PPARA: variants seen among roughly 807,000 people sequenced by gnomAD.
The protein encoded by PPARA is peroxisome proliferator-activated receptor alpha.
In PPARA, 22 loss-of-function variants were observed where a neutral mutation model predicts 42.2. The observed-to-expected ratio is 0.52, with a 90% confidence interval of 0.37 to 0.74. The LOEUF is 0.74. Ranked by LOEUF, PPARA falls within the 30% of genes least tolerant of loss-of-function variation. PPARA has a pLI of 0.00. For missense variants in PPARA, 465 were observed against 608.2 expected, an observed-to-expected ratio of 0.76 and a Z score of 2.48; for synonymous variants, 242 against 239.3, an observed-to-expected ratio of 1.01 and a Z score of -0.10.
In PPARA at chr22:46,183,492, A is replaced by C. The variant is rs1930247841; in HGVS notation, c.-43+6656A>C. On this transcript the variant is annotated intron_variant, in intron 3 of 8. Transcript: ENST00000407236. This position sits in a 1 kb window ranked among gnomAD's most constrained non-coding sequence, Gnocchi z 5.5. ...CTCAATGGCTCACGCCAGTAGTCCC[A>C]GCACTTTGCGGGGCCCAGGAGGGCA... is the stretch of plus-strand genomic sequence containing the variant. Among the ~76,000 whole-genome samples the C allele has an allele frequency of 1.3e-5, 2 of 152,260 alleles. No homozygotes were observed. Among genetic ancestry groups the C allele is most frequent in the African/African-American group, 4.8e-5 (2 of 41,474 alleles).
In PPARA at chr22:46,187,780, C is replaced by A. The variant is rs1931018146; in HGVS notation, c.-42-10562C>A. Among the ~76,000 whole-genome samples, 1 of 152,190 alleles carries A rather than the reference C, an allele frequency of 6.6e-6. No individual in the cohort carries two copies. The highest frequency in any genetic ancestry group is 1.5e-5 in the Non-Finnish European group (1 of 68,032). On this transcript the variant is annotated intron_variant, in intron 3 of 8. Coordinates refer to ENST00000407236, the MANE Select transcript of PPARA (RefSeq NM_005036.6). This position sits in a 1 kb window ranked among gnomAD's most constrained non-coding sequence, Gnocchi z 4.9. ...TTGCCACTTCTCCCTTGAGGTAGAT[C>A]AAAAATGGTCACAAGTTCTTTGAGG...
rs185434403 is a variant in PPARA at position 46,228,874 on chromosome 22, G to A, written c.712-2918G>A. On this transcript the variant is annotated intron_variant, in intron 7 of 8. Coordinates refer to ENST00000407236, the MANE Select transcript of PPARA (RefSeq NM_005036.6). ...AATCCCAGCACTTTGGGAGGCTGAG[G>A]TGGGCGGATCACGAGGTCAGGAGAT... 1.3e-3 allele frequency among the ~76,000 whole-genome samples: 197 copies of A among 152,250 alleles called. 1 individual carries two copies. The highest frequency in any genetic ancestry group is 4.5e-3 in the African/African-American group (185 of 41,542).
rs1367268287 is a variant in PPARA at position 46,191,511 on chromosome 22, G to A, written c.-42-6831G>A. Among the ~76,000 whole-genome samples the A allele has an allele frequency of 6.8e-6, 1 of 146,326 alleles. No homozygotes were observed. Among genetic ancestry groups the A allele is most frequent in the Admixed American group, 6.8e-5 (1 of 14,700 alleles). On this transcript the variant is annotated intron_variant, in intron 3 of 8. Transcript: ENST00000407236. The surrounding 1 kb of genome is among the most constrained non-coding windows in gnomAD (Gnocchi z 4.6). The stretch of plus-strand genomic sequence containing the variant: ...TTTTTTTTTTTTTTTTCCTTTTGCT[G>A]GCTTTGTTTTCCTGTCCCTGTGATG...
intron 3 of PPARA, among the ~76,000 whole-genome samples, chr22:46,186,875 A>G (rs1930896253): frequency 6.6e-6 from 1 of 152,108 alleles, no homozygotes; most frequent in South Asian, 2.1e-4. Context: ...TTCCCTGTAT[A>G]TGCATACCTA....
At chr22:46,220,322 T>C (rs1366539161) in intron 7 of PPARA, 1 of 390,236 alleles carries the variant, frequency 2.6e-6, no homozygotes, top group East Asian at 6.2e-5. Context: ...AGGAGCATTT[T>C]TTCTTAAATA....
chr22:46,233,529 C>T lies in PPARA; in HGVS notation c.1159+1290C>T, dbSNP rs1193585898. Among the ~76,000 whole-genome samples the T allele has an allele frequency of 1.3e-5, 2 of 152,156 alleles. No individual in the cohort carries two copies. Among genetic ancestry groups the T allele is most frequent in the Non-Finnish European group, 2.9e-5 (2 of 68,026 alleles). On this transcript the variant is annotated intron_variant, in intron 8 of 8. Transcript: ENST00000407236. This position sits in a 1 kb window ranked among gnomAD's most constrained non-coding sequence, Gnocchi z 7.3. The stretch of plus-strand genomic sequence containing the variant: ...CTGACTCAGCCCTACCAGCCGTGCC[C>T]GTTACTGTGTGGCTGGGCACAAGTC...
chr22:46,210,230 A>G (rs182321195), intron 4 of PPARA, among the ~76,000 whole-genome samples: 1,463 of 138,466 alleles, frequency 0.011, 10 homozygotes, highest in Middle Eastern at 0.041. Context: ...AATTGCTTGA[A>G]CCCGGGAGGC....
intron 4 of PPARA, among the ~76,000 whole-genome samples, chr22:46,206,506 G>A (rs4253718): frequency 0.017 from 2,538 of 152,158 alleles, 71 homozygotes; most frequent in African/African-American, 0.058. Flanking sequence ...TTGCTTTAGG[G>A]TTTATAGTGT....
In PPARA at chr22:46,162,983, ACAG is replaced by A. The variant is rs1279901141; in HGVS notation, c.-127+11017_-127+11019del. Among the ~76,000 whole-genome samples the A allele has an allele frequency of 1.3e-5, 2 of 152,244 alleles. No homozygotes were observed. Among genetic ancestry groups the A allele is most frequent in the Non-Finnish European group, 2.9e-5 (2 of 68,046 alleles). The stretch of plus-strand genomic sequence containing the variant: ...GCCAGGCACTGTCCTGCTGTGGAAA[ACAG>A]CAGGCATGATTCCCTGCCACTACCA... On this transcript the variant is annotated intron_variant, in intron 2 of 8. Transcript: ENST00000407236. The surrounding 1 kb of genome is among the most constrained non-coding windows in gnomAD (Gnocchi z 6.0).
intron 3 of PPARA, among the ~76,000 whole-genome samples, chr22:46,186,548 G>A (rs976260844): frequency 6.6e-6 from 1 of 152,014 alleles, no homozygotes; most frequent in African/African-American, 2.4e-5. Flanking sequence ...TAGACATCTC[G>A]AACCACCTGG....
At position 46,184,566 on chromosome 22, in the gene PPARA, A is replaced by C. The variant is rs994979466; in HGVS notation, c.-43+7730A>C. Among the ~76,000 whole-genome samples, 3 of 152,218 alleles carry C rather than the reference A, an allele frequency of 2.0e-5. No individual in the cohort carries two copies. Among genetic ancestry groups the C allele is most frequent in the African/African-American group, 4.8e-5 (2 of 41,460 alleles). On this transcript the variant is annotated intron_variant, in intron 3 of 8. Transcript: ENST00000407236. The surrounding 1 kb of genome is among the most constrained non-coding windows in gnomAD (Gnocchi z 4.4). Reference sequence around the variant, plus strand: ...TTCCCATGTTGCTGTTGGAAAATCCAAAAGTATTCTATTTGGCCAGGCACA... The same window carrying C: ...TTCCCATGTTGCTGTTGGAAAATCCCAAAGTATTCTATTTGGCCAGGCACA...
In PPARA at chr22:46,235,222, C is replaced by G. The variant is rs1936140717; in HGVS notation, c.1249C>G (p.Pro417Ala). 7.4e-6 allele frequency: 12 copies of G among 1,614,104 alleles called. No individual in the cohort carries two copies. Among genetic ancestry groups the G allele is most frequent in the Non-Finnish European group, 1.0e-5 (12 of 1,180,028 alleles). The change falls in exon 9 of 9, where the codon CCG (proline) becomes GCG (alanine). Residue 417 changes from proline to alanine, a missense_variant. By Grantham distance (27) the Pro-to-Ala change is conservative (BLOSUM62 -1). Around this residue, in one of 2 missense-constraint regions of PPARA, gnomAD observed 313 missense variants for 469.1 expected, o/e 0.67. Transcript: ENST00000407236. This position sits in a 1 kb window ranked among gnomAD's most constrained non-coding sequence, Gnocchi z 7.0. ...CAGACTCCACCTGCAGAGCAACCACCCGGACGATATCTTTCTCTTCCCAAA... is the reference window on the plus strand; with the variant it reads ...CAGACTCCACCTGCAGAGCAACCACGCGGACGATATCTTTCTCTTCCCAAA... ...VLRLHLQSNH[P>A]DDIFLFPKLL...
At chr22:46,186,528 C>T (rs1031673803) in intron 3 of PPARA, among the ~76,000 whole-genome samples, 4 of 152,022 alleles carry the variant, frequency 2.6e-5, no homozygotes, top group African/African-American at 9.7e-5. Flanking sequence ...ACCATGTGCC[C>T]ATTACTCTAT....
chr22:46,174,061 C>T (rs1490265942), intron 2 of PPARA, among the ~76,000 whole-genome samples: 2 of 145,282 alleles, frequency 1.4e-5, no homozygotes, highest in Non-Finnish European at 3.0e-5. Context: ...GTCTGTAGTC[C>T]CAGCTACTCG....
chr22:46,215,362 GGCC>G (rs764053213), intron 5 of PPARA, 29 bp downstream of exon 5: 2 of 1,613,892 alleles, frequency 1.2e-6, no homozygotes, highest in South Asian at 1.1e-5. Context: ...AGGGCCTGGT[GGCC>G]GCCACCATCA....
rs567050326 is a variant in PPARA, at chr22:46,182,809, G to A, written c.-43+5973G>A. Among the ~76,000 whole-genome samples, 130 of 152,204 alleles carry A rather than the reference G, an allele frequency of 8.5e-4. No individual in the cohort carries two copies. The highest frequency in any genetic ancestry group is 2.9e-3 in the African/African-American group (122 of 41,516). ...GTCCAGGCTGGAGTGCAATGGCACC[G>A]TCTCAGAGCACTGTAACCTCCGCCT... On this transcript the variant is annotated intron_variant, in intron 3 of 8. Transcript: ENST00000407236. This position sits in a 1 kb window ranked among gnomAD's most constrained non-coding sequence, Gnocchi z 5.2.
At chr22:46,209,947 G>A (rs1424636122) in intron 4 of PPARA, among the ~76,000 whole-genome samples, 1 of 152,018 alleles carries the variant, frequency 6.6e-6, no homozygotes, top group Admixed American at 6.6e-5. Context: ...GTCTCACTTT[G>A]TTGCCCAGAC....
Position 46,167,552 on chromosome 22 carries a change from C to T in PPARA, c.-126-9201C>T, listed in dbSNP as rs1301786952. ...CCTGTAGTCCCAGCTGCACAGTAGT[C>T]TGAGGTGGGAGGATCACCTGAGCCC... On this transcript the variant is annotated intron_variant, in intron 2 of 8. Coordinates refer to ENST00000407236, the MANE Select transcript of PPARA (RefSeq NM_005036.6). This position sits in a 1 kb window ranked among gnomAD's most constrained non-coding sequence, Gnocchi z 4.1. Among the ~76,000 whole-genome samples, 1 of 152,120 alleles carries T rather than the reference C, an allele frequency of 6.6e-6. No individual in the cohort carries two copies. Among genetic ancestry groups the T allele is most frequent in the Non-Finnish European group, 1.5e-5 (1 of 68,040 alleles).
At position 46,235,356 on chromosome 22, in the gene PPARA, G is replaced by A. The variant is rs1936153741; in HGVS notation, c.1383G>A (p.Gln461=). 1.9e-6 allele frequency: 3 copies of A among 1,613,806 alleles called. No homozygotes were observed. The highest frequency in any genetic ancestry group is 2.2e-5 in the East Asian group (1 of 44,870). The change falls in exon 9 of 9, where the codon CAG becomes CAA. Residue 461 remains glutamine, a synonymous_variant. Transcript: ENST00000407236. This position sits in a 1 kb window ranked among gnomAD's most constrained non-coding sequence, Gnocchi z 7.0. ...ATGCTGCGCTGCACCCGCTACTGCA[G>A]GAGATCTACAGGGACATGTACTGAG... ...ESDAALHPLL[Q]EIYRDMY
Sources: allele counts gnomAD v4.1 joint callset (sites outside exome capture counted in the v4.1 genomes callset), GRCh38; gene constraint gnomAD v4.1.1; regional missense constraint gnomAD v4.1.1; non-coding constraint Gnocchi (gnomAD v3.1); transcripts MANE v1.5; gene names NCBI Gene and HGNC (gene_info 2026-07-23, HGNC 2026-07-21).